Variants in FHOD3 observed in about 807,000 individuals in gnomAD.
FHOD3 encodes formin homology 2 domain containing 3.
In FHOD3, 90 loss-of-function variants were observed where a neutral mutation model predicts 173.0. The ratio of observed to expected loss-of-function variants is 0.52; its 90% CI spans 0.44 to 0.62. The LOEUF is 0.62. FHOD3 is among the 20% of genes least tolerant of loss of function. The probability of loss-of-function intolerance (pLI) is 0.00; values close to 1 mark genes in which losing one functional copy is unlikely to be tolerated. For synonymous variants in FHOD3, 828 were observed against 823.0 expected, an observed-to-expected ratio of 1.01 and a Z score of -0.10; for missense variants, 1,945 against 2,034.7, an observed-to-expected ratio of 0.96 and a Z score of 0.85.
In FHOD3 at chr18:36,681,610, A is replaced by G. The variant is rs201418593; in HGVS notation, c.1970+40A>G. ...AAGATTTTTTTTAAATAGTGAGTTA[A>G]AAATTAAAGGCATGTGACTTTACAA... On this transcript the variant is annotated intron_variant, in intron 15 of 28. Coordinates refer to ENST00000590592, the MANE Select transcript of FHOD3 (RefSeq NM_001281740.3). 46 of 1,530,546 alleles carry G rather than the reference A, an allele frequency of 3.0e-5. No homozygotes were observed. In the African/African-American group the frequency reaches 8.4e-4, roughly 28 times the overall value. The allele number at this position is 1,530,546 out of a possible 1,614,324, so 94.8% of individuals were successfully genotyped here.
At chr18:36,740,168 C>T (rs1030412039) in intron 20 of FHOD3, among the ~76,000 whole-genome samples, 9 of 151,918 alleles carry the variant, frequency 5.9e-5, no homozygotes, top group Admixed American at 2.6e-4. Context: ...TTATGGATAC[C>T]GTCATGATTT....
intron 28 of FHOD3, among the ~76,000 whole-genome samples, chr18:36,773,048 A>G (rs2043460233): frequency 6.6e-6 from 1 of 152,240 alleles, no homozygotes; most frequent in South Asian, 2.1e-4. Flanking sequence ...TTTAGAGGGC[A>G]TCCCTCTCTC....
At chr18:36,413,647 CA>C (rs1266121850) in intron 3 of FHOD3, among the ~76,000 whole-genome samples, 3 of 152,188 alleles carry the variant, frequency 2.0e-5, no homozygotes, top group Non-Finnish European at 2.9e-5. Flanking sequence ...TCATTCATGG[CA>C]ATGCTAAGGG....
intron 23 of FHOD3, among the ~76,000 whole-genome samples, chr18:36,745,802 G>A (rs1350377989): frequency 6.6e-5 from 4 of 60,860 alleles, no homozygotes; most frequent in East Asian, 9.6e-4. Flanking sequence ...TGCACCCTCC[G>A]CTCACTTCCT....
chr18:36,699,338 C>T (rs890417085), intron 17 of FHOD3, among the ~76,000 whole-genome samples: 1 of 152,236 alleles, frequency 6.6e-6, no homozygotes, highest in Non-Finnish European at 1.5e-5. Flanking sequence ...TCGCCTGGAG[C>T]AGGCACTTGG....
At chr18:36,643,567 C>T (rs1168466717) in intron 10 of FHOD3, among the ~76,000 whole-genome samples, 11 of 152,110 alleles carry the variant, frequency 7.2e-5, no homozygotes, top group East Asian at 1.9e-4. Flanking sequence ...TATATATCCT[C>T]GTATCAACAA....
At chr18:36,583,687 C>G (rs1050981836) in intron 6 of FHOD3, among the ~76,000 whole-genome samples, 2 of 152,322 alleles carry the variant, frequency 1.3e-5, no homozygotes, top group Admixed American at 6.5e-5. Context: ...GGAGAGCAGC[C>G]TACTGGTGGC....
intron 3 of FHOD3, among the ~76,000 whole-genome samples, chr18:36,477,963 C>T (rs532969593): frequency 2.6e-5 from 4 of 152,286 alleles, no homozygotes; most frequent in South Asian, 4.1e-4. Flanking sequence ...GCACTCCATG[C>T]CTCTCAACAG....
At chr18:36,654,850 G>A (rs561831052) in intron 13 of FHOD3, among the ~76,000 whole-genome samples, 1 of 152,112 alleles carries the variant, frequency 6.6e-6, no homozygotes, top group East Asian at 1.9e-4. Flanking sequence ...CTGCTCAAGA[G>A]TTTTTTTTCT....
chr18:36,532,797 T>C (rs760462584), intron 5 of FHOD3, among the ~76,000 whole-genome samples: 1 of 152,350 alleles, frequency 6.6e-6, no homozygotes, highest in Non-Finnish European at 1.5e-5. Flanking sequence ...GTTTGAGATT[T>C]TGAGATTGCA....
chr18:36,335,493 T>TAA (rs56991651), intron 1 of FHOD3, among the ~76,000 whole-genome samples: 12,896 of 128,762 alleles, frequency 0.1, 2,008 homozygotes, highest in African/African-American at 0.33. Context: ...AGACTCCGTC[T>TAA]AAAAAAAAAA....
intron 1 of FHOD3, among the ~76,000 whole-genome samples, chr18:36,332,388 C>T (rs938660574): frequency 1.3e-5 from 2 of 152,158 alleles, no homozygotes; most frequent in Non-Finnish European, 2.9e-5. Flanking sequence ...GGACAGAGGC[C>T]TAGAGGGAAG....
At chr18:36,663,250 A>G (rs2036931497) in intron 14 of FHOD3, among the ~76,000 whole-genome samples, 1 of 152,242 alleles carries the variant, frequency 6.6e-6, no homozygotes, top group Non-Finnish European at 1.5e-5. Context: ...TTTTTCATAC[A>G]TTCAACAACA....
chr18:36,677,599 C>T (rs1024939352), intron 14 of FHOD3, among the ~76,000 whole-genome samples: 5 of 152,196 alleles, frequency 3.3e-5, no homozygotes, highest in Admixed American at 2.6e-4. Flanking sequence ...TCACTCCATT[C>T]GTCCATGTTT....
At chr18:36,427,286 TAAAAAAAAAAAAAAA>T (rs35854743) in intron 3 of FHOD3, among the ~76,000 whole-genome samples, 1 of 79,480 alleles carries the variant, frequency 1.3e-5, no homozygotes, top group Non-Finnish European at 2.4e-5. Flanking sequence ...CTTGCTTCTC[TAAAAAAAAAAAAAAA>T]AAAAAAAAAA....
chr18:36,730,876 A>G, intron 20 of FHOD3, 72 bp downstream of exon 20: 1 of 1,452,312 alleles, frequency 6.9e-7, no homozygotes, highest in South Asian at 1.3e-5. Context: ...GCATGTCCAC[A>G]TTTCAAAAGA....
intron 5 of FHOD3, among the ~76,000 whole-genome samples, chr18:36,571,806 C>A (rs2058462298): frequency 6.6e-6 from 1 of 152,088 alleles, no homozygotes; most frequent in African/African-American, 2.4e-5. Context: ...AAAAAATGAA[C>A]CTCAATCTAT....
chr18:36,636,346 A>G (rs1165945346), intron 10 of FHOD3, among the ~76,000 whole-genome samples: 3 of 152,204 alleles, frequency 2.0e-5, no homozygotes, highest in Admixed American at 6.5e-5. Context: ...AAATGCAGCC[A>G]TGGAAAGAGA....
At chr18:36,392,189 T>TG (rs572187744) in intron 3 of FHOD3, among the ~76,000 whole-genome samples, 26 of 152,306 alleles carry the variant, frequency 1.7e-4, no homozygotes, top group African/African-American at 5.8e-4. Context: ...CATAGGGTTT[T>TG]GGGGGGTTAA....
Sources: allele counts gnomAD v4.1 joint callset (sites outside exome capture counted in the v4.1 genomes callset), GRCh38; gene constraint gnomAD v4.1.1; transcripts MANE v1.5; gene names NCBI Gene and HGNC (gene_info 2026-07-23, HGNC 2026-07-21).